The following CNTN1 variants were observed in gnomAD, a reference collection of about 807,000 sequenced individuals.
The protein encoded by CNTN1 is contactin-1.
In CNTN1, 38 loss-of-function variants were observed where a neutral mutation model predicts 126.4. The ratio of observed to expected loss-of-function variants is 0.30; its 90% CI spans 0.23 to 0.39. The LOEUF is 0.39. Among genes scored for constraint, CNTN1 ranks in the 10% least tolerant of loss-of-function variants. The pLI is 1.00. For missense variants in CNTN1, 1,009 were observed against 1,248.4 expected, an observed-to-expected ratio of 0.81 and a Z score of 2.89; for synonymous variants, 413 against 422.6, an observed-to-expected ratio of 0.98 and a Z score of 0.28.
At chr12:40,784,567 A>T (rs1473832295) in intron 1 of CNTN1, among the ~76,000 whole-genome samples, 1 of 152,164 alleles carries the variant, frequency 6.6e-6, no homozygotes, top group Non-Finnish European at 1.5e-5. Context: ...AAAGTATTCC[A>T]AGAGGATAAA....
intron 1 of CNTN1, among the ~76,000 whole-genome samples, chr12:40,745,807 C>A (rs747507200): frequency 2.0e-5 from 3 of 152,084 alleles, no homozygotes; most frequent in Admixed American, 2.0e-4. Flanking sequence ...ATTTTGATTT[C>A]TTTCCTTATC....
intron 23 of CNTN1, among the ~76,000 whole-genome samples, chr12:41,069,551 G>A (rs899573669): frequency 2.6e-5 from 4 of 151,776 alleles, no homozygotes; most frequent in African/African-American, 4.8e-5. Context: ...TCGTCATTTA[G>A]CATTAGGTAT....
intron 17 of CNTN1, among the ~76,000 whole-genome samples, chr12:41,013,181 C>T (rs1367364571): frequency 6.6e-6 from 1 of 152,078 alleles, no homozygotes; most frequent in Non-Finnish European, 1.5e-5. Context: ...GGTCACTGTA[C>T]CCTAATCTTA....
intron 1 of CNTN1, among the ~76,000 whole-genome samples, chr12:40,811,627 T>C (rs1268251784): frequency 6.6e-6 from 1 of 152,132 alleles, no homozygotes; most frequent in Non-Finnish European, 1.5e-5. Context: ...AATTCAATCT[T>C]GATAGGTTGT....
intron 5 of CNTN1, among the ~76,000 whole-genome samples, chr12:40,923,034 A>G (rs1429909708): frequency 6.6e-6 from 1 of 151,382 alleles, no homozygotes; most frequent in Non-Finnish European, 1.5e-5. Context: ...AAGGGGCACT[A>G]TCACCCCTAA....
intron 1 of CNTN1, among the ~76,000 whole-genome samples, chr12:40,791,750 T>A (rs1940228915): frequency 6.6e-6 from 1 of 152,090 alleles, no homozygotes; most frequent in Non-Finnish European, 1.5e-5. Flanking sequence ...GCAAAAATGG[T>A]CTCCAAAAAT....
At chr12:40,948,448 G>GGGTTA (rs1237937065) in intron 14 of CNTN1, among the ~76,000 whole-genome samples, 2 of 151,562 alleles carry the variant, frequency 1.3e-5, no homozygotes, top group Non-Finnish European at 2.9e-5. Flanking sequence ...AGACAGAATT[G>GGGTTA]GGTTAAATGT....
At chr12:40,900,082 G>C (rs1944554562) in intron 1 of CNTN1, among the ~76,000 whole-genome samples, 1 of 151,950 alleles carries the variant, frequency 6.6e-6, no homozygotes, top group African/African-American at 2.4e-5. Context: ...GGCTGCTGAG[G>C]AGAAAAAAAT....
At chr12:40,904,589 C>T (rs1307668332) in intron 1 of CNTN1, among the ~76,000 whole-genome samples, 2 of 151,936 alleles carry the variant, frequency 1.3e-5, no homozygotes, top group Non-Finnish European at 2.9e-5. Flanking sequence ...CCACCATGCT[C>T]AGCTAATTTT....
chr12:41,042,851 C>A (rs1003046255), intron 23 of CNTN1, among the ~76,000 whole-genome samples: 34 of 152,172 alleles, frequency 2.2e-4, no homozygotes, highest in African/African-American at 8.2e-4. Flanking sequence ...TGCCGCATAT[C>A]TACAACTATC....
In CNTN1 at chr12:40,937,638, T is replaced by A. The variant is rs750093690; in HGVS notation, c.1179T>A (p.Ala393=). ...ATGCCGGAATGTATCAGTGCATAGCTGAAAACACATATGGAGCCATTTATG... is the reference window on the plus strand; with the variant it reads ...ATGCCGGAATGTATCAGTGCATAGCAGAAAACACATATGGAGCCATTTATG... ...FENAGMYQCI[A]ENTYGAIYAN... is the part of the protein sequence containing the mutation. Residue 393 remains alanine, a synonymous_variant, in exon 11 of 24, where the codon GCT becomes GCA. Coordinates refer to ENST00000551295, the MANE Select transcript of CNTN1 (RefSeq NM_001843.4). The A allele has an allele frequency of 3.1e-6, 5 of 1,613,126 alleles. No homozygotes were observed. The Admixed American group carries it at 6.7e-5, about 22-fold the overall frequency.
chr12:40,947,121 A>AT (rs1946462115), intron 14 of CNTN1, among the ~76,000 whole-genome samples: 1 of 152,016 alleles, frequency 6.6e-6, no homozygotes, highest in South Asian at 2.1e-4. Flanking sequence ...GGATTAATTT[A>AT]TTTTTTAATG....
intron 1 of CNTN1, among the ~76,000 whole-genome samples, chr12:40,903,362 T>C (rs1401669364): frequency 6.6e-6 from 1 of 150,608 alleles, no homozygotes; most frequent in African/African-American, 2.4e-5. Flanking sequence ...TCTGCTCCTG[T>C]GACTGGCACA....
chr12:40,798,612 C>T (rs554667426), intron 1 of CNTN1, among the ~76,000 whole-genome samples: 10 of 151,804 alleles, frequency 6.6e-5, no homozygotes, highest in Non-Finnish European at 1.3e-4. Flanking sequence ...AACTGGAGGC[C>T]GTTATCCTTA....
rs571035938 is a variant in CNTN1, at chr12:40,704,468, A to G, written c.-77+11876A>G. 2.0e-5 allele frequency among the ~76,000 whole-genome samples: 3 copies of G among 152,252 alleles called. No individual in the cohort carries two copies. In the South Asian group the frequency reaches 6.2e-4, roughly 32 times the overall value. Reference sequence around the variant, plus strand: ...AGAAAAGATAATTAAACATAGAGTCATATTTTTTCATCTTCATCTTTTTCA... The same window carrying G: ...AGAAAAGATAATTAAACATAGAGTCGTATTTTTTCATCTTCATCTTTTTCA... On this transcript the variant is annotated intron_variant, in intron 1 of 23. Coordinates refer to ENST00000551295, the MANE Select transcript of CNTN1 (RefSeq NM_001843.4).
chr12:40,982,538 A>C (rs976850465), intron 16 of CNTN1, among the ~76,000 whole-genome samples: 3 of 152,182 alleles, frequency 2.0e-5, no homozygotes, highest in African/African-American at 7.2e-5. Context: ...ACTAGAAAGT[A>C]AGTTCCATGA....
At chr12:41,029,362 CTTGGTA>C (rs1949095908) in intron 23 of CNTN1, 143 bp downstream of exon 23, 1 of 911,236 alleles carries the variant, frequency 1.1e-6, no homozygotes, top group Admixed American at 1.9e-5. Context: ...TTCCCTGAAA[CTTGGTA>C]TTTCTCCTCT....
At chr12:41,029,812 T>C (rs186492425) in intron 23 of CNTN1, among the ~76,000 whole-genome samples, 173 of 152,242 alleles carry the variant, frequency 1.1e-3, no homozygotes, top group African/African-American at 3.7e-3. Flanking sequence ...CTTTGTCTTT[T>C]CTCTTTCTCT....
At position 40,773,718 on chromosome 12, in the gene CNTN1, C is replaced by CAT. The variant is rs1376878278; in HGVS notation, c.-77+81139_-77+81140dup. Among the ~76,000 whole-genome samples the CAT allele has an allele frequency of 9.3e-3, 518 of 55,440 alleles. 10 individuals carry two copies. Among genetic ancestry groups the CAT allele is most frequent in the African/African-American group, 0.028 (489 of 17,632 alleles). 36.4% of individuals were successfully genotyped at this position (55,440 alleles called of 152,430 possible). A position where few individuals can be genotyped will look rare whatever the true frequency, so the allele number is the denominator to read the frequency against. On this transcript the variant is annotated intron_variant, in intron 1 of 23. Transcript: ENST00000551295. ...ACACATATATATATATATATATACA[C>CAT]ATATATATATATATGTTGCTATTCT...
Sources: gnomAD v4.1 joint callset for allele counts (sites outside exome capture counted in the v4.1 genomes callset) on GRCh38, gnomAD v4.1.1 for gene constraint, MANE v1.5 for transcripts, NCBI Gene and HGNC (gene_info 2026-07-23, HGNC 2026-07-21) for gene names.